The following PRH1 variants were observed in gnomAD, a reference collection of about 807,000 sequenced individuals.
PRH1 encodes the protein proline rich protein HaeIII subfamily 1.
A neutral mutation model predicts 7.9 loss-of-function variants in PRH1; 7 were observed. The observed-to-expected ratio is 0.89, with a 90% confidence interval of 0.50 to 1.67. The LOEUF is 1.67. Among genes scored for constraint, PRH1 ranks in the 40% most tolerant of loss-of-function variants. The pLI is 0.00. For missense variants in PRH1, 109 were observed against 223.6 expected (o/e 0.49, Z 3.27); for synonymous variants, 45 against 80.8 (o/e 0.56, Z 2.38).
In PRH1 at chr12:11,131,492, A is replaced by C. The variant is rs534655644; in HGVS notation, n.40-10312T>G. On this transcript the variant is annotated intron_variant and non_coding_transcript_variant, in intron 1 of 1. Transcript: ENST00000541175. ...TAGTAAAGTAGCTGGTTACTAACTC[A>C]ATTTTTTGAAATGAAATGCCATTTT... Among the ~76,000 whole-genome samples the C allele has an allele frequency of 2.6e-5, 4 of 152,332 alleles. No individual in the cohort carries two copies. The East Asian group carries it at 7.7e-4, about 29-fold the overall frequency.
At chr12:11,124,370 T>C in intron 1 of PRH1, among the ~76,000 whole-genome samples, 1 of 152,304 alleles carries the variant, frequency 6.6e-6, no homozygotes, top group Non-Finnish European at 1.5e-5. Context: ...TTATTTGATT[T>C]GTTTAGCCCT....
In PRH1 at chr12:10,926,900, G is replaced by A. The variant is rs184996159; in HGVS notation, c.-58-42625C>T. ...GGACCTCAGAATGTGAACATCCATA[G>A]TAGAAGGGAATTGTGTTGTTGACGG... On this transcript the variant is annotated intron_variant, in intron 2 of 3. Coordinates refer to the PRH1 transcript ENST00000539853. Among the ~76,000 whole-genome samples the A allele has an allele frequency of 3.4e-3, 522 of 152,260 alleles. 4 individuals carry two copies. Among genetic ancestry groups the A allele is most frequent in the African/African-American group, 0.011 (469 of 41,544 alleles).
intron 1 of PRH1, among the ~76,000 whole-genome samples, chr12:11,039,580 C>T (rs150235203): frequency 5.2e-4 from 79 of 152,338 alleles, no homozygotes; most frequent in African/African-American, 1.9e-3. Flanking sequence ...CAACCCAATA[C>T]ACAGATGACA....
intron 2 of PRH1, among the ~76,000 whole-genome samples, chr12:10,971,559 T>C (rs1207024299): frequency 1.3e-5 from 2 of 152,140 alleles, no homozygotes; most frequent in East Asian, 3.8e-4. Flanking sequence ...GAAAACACAG[T>C]GATATTCATG....
In PRH1 at chr12:11,092,132, A is replaced by G. The variant is rs201645619; in HGVS notation, n.124-44944T>C. The G allele has an allele frequency of 0.45, 351,729 of 787,018 alleles. 100,154 individuals are homozygous for G. The highest frequency in any genetic ancestry group is 0.47 in the East Asian group (7,253 of 15,438). 48.8% of individuals were successfully genotyped at this position (787,018 alleles called of 1,614,324 possible). On this transcript the variant is annotated intron_variant and non_coding_transcript_variant, in intron 1 of 4. Transcript: ENST00000541977. Reference sequence around the variant, plus strand: ...GATCTTTTGTCTCTTGAACCACTCAATGGAATTTACCAGTGCTATGAAGCC... The same window carrying G: ...GATCTTTTGTCTCTTGAACCACTCAGTGGAATTTACCAGTGCTATGAAGCC...
intron 1 of PRH1, among the ~76,000 whole-genome samples, chr12:11,073,264 T>A (rs377139899): frequency 0.037 from 2,928 of 79,858 alleles, 50 homozygotes; most frequent in Non-Finnish European, 0.045. Flanking sequence ...CCTTACTAGC[T>A]GTATTTACAG....
chr12:11,151,878 A>G (rs1947100741), intron 1 of PRH1, among the ~76,000 whole-genome samples: 1 of 152,090 alleles, frequency 6.6e-6, no homozygotes, highest in Non-Finnish European at 1.5e-5. Flanking sequence ...TTATCATAAT[A>G]TATTACCATG....
At chr12:10,964,660 C>A in intron 2 of PRH1, 1 of 572,060 alleles carries the variant, frequency 1.7e-6, no homozygotes, top group South Asian at 2.0e-5. Flanking sequence ...GGAAGGAGGT[C>A]ACCGTTTGCA....
rs552122969 is a variant in PRH1 at position 10,882,603 on chromosome 12, C to T, written c.196G>A (p.Asp66Asn). 145 of 1,610,018 alleles carry T rather than the reference C, an allele frequency of 9.0e-5. 1 individual carries two copies. The highest frequency in any genetic ancestry group is 3.3e-4 in the Middle Eastern group (2 of 6,048). The change falls in exon 3 of 4, where the codon GAT becomes AAT. Residue 66 changes from aspartate to asparagine, a missense_variant. Asp to Asn is a conservative substitution (Grantham distance 23). Around this residue, in one of 3 missense-constraint regions of PRH1, gnomAD observed 60 missense variants for 76.5 expected, o/e 0.78. Coordinates refer to ENST00000543626, the MANE Select transcript of PRH1 (RefSeq NM_001393989.1). ...GGTGGTCCCTGCTGAGGGCCATCAT[C>T]CTGGTTCCCATCACCAGCAGAGGGT... ...SQPSAGDGNQ[D>N]DGPQQGPPQQ...
At chr12:11,058,282 G>T (rs1565604046) in intron 1 of PRH1, among the ~76,000 whole-genome samples, 1 of 152,098 alleles carries the variant, frequency 6.6e-6, no homozygotes, top group African/African-American at 2.4e-5. Context: ...GAAGAGGCAA[G>T]ATTCTTAATA....
intron 2 of PRH1, among the ~76,000 whole-genome samples, chr12:10,898,443 A>G (rs533415113): frequency 6.6e-6 from 1 of 152,208 alleles, no homozygotes. Flanking sequence ...AACAAAGGGA[A>G]ATTCAGGAAA....
chr12:10,939,249 A>C, intron 2 of PRH1: 1 of 1,179,340 alleles, frequency 8.5e-7, no homozygotes, highest in Non-Finnish European at 1.2e-6. Flanking sequence ...TCACTGCTGA[A>C]GACTTCTTAA....
chr12:10,975,794 C>G (rs1286366098), intron 1 of PRH1, among the ~76,000 whole-genome samples: 3 of 149,852 alleles, frequency 2.0e-5, no homozygotes, highest in African/African-American at 7.3e-5. Flanking sequence ...TAAAAAAAGT[C>G]TTTAAATCAA....
intron 1 of PRH1, chr12:11,121,281 C>T (rs1945894779): frequency 6.6e-6 from 1 of 152,184 alleles, no homozygotes; most frequent in Non-Finnish European, 1.5e-5. Context: ...TTCCTATCAT[C>T]AATATATTGA....
intron 1 of PRH1, among the ~76,000 whole-genome samples, chr12:11,044,402 C>T (rs866278536): frequency 3.3e-5 from 5 of 152,006 alleles, no homozygotes. Context: ...TAGTAATACC[C>T]CACAAGCACA....
At chr12:11,105,576 C>A (rs1945385510) in intron 1 of PRH1, among the ~76,000 whole-genome samples, 1 of 152,146 alleles carries the variant, frequency 6.6e-6, no homozygotes, top group Non-Finnish European at 1.5e-5. Context: ...TAAAATTTTC[C>A]ATATTGGTGT....
intron 2 of PRH1, among the ~76,000 whole-genome samples, chr12:10,943,748 A>G (rs1312701913): frequency 6.6e-6 from 1 of 152,010 alleles, no homozygotes; most frequent in East Asian, 1.9e-4. Context: ...ATTTTTTTAT[A>G]TGGTACAGGG....
At chr12:11,062,363 C>G (rs944337139) in intron 1 of PRH1, 48 of 1,450,500 alleles carry the variant, frequency 3.3e-5, no homozygotes, top group Admixed American at 5.1e-5. Context: ...GCTTGAATAT[C>G]CTGACCTTAA....
At chr12:10,897,178 T>C (rs1239059050) in intron 2 of PRH1, among the ~76,000 whole-genome samples, 1 of 152,160 alleles carries the variant, frequency 6.6e-6, no homozygotes, top group Non-Finnish European at 1.5e-5. Context: ...TAGCCACATG[T>C]CACACGTGGC....
Sources: allele counts gnomAD v4.1 joint callset (sites outside exome capture counted in the v4.1 genomes callset), GRCh38; gene constraint gnomAD v4.1.1; regional missense constraint gnomAD v4.1.1; transcripts MANE v1.5; gene names NCBI Gene and HGNC (gene_info 2026-07-23, HGNC 2026-07-21).